OSBPL9: variants seen among roughly 807,000 people sequenced by gnomAD.
The protein encoded by OSBPL9 is oxysterol binding protein like 9.
Under a neutral mutation model 106.6 loss-of-function variants are expected in OSBPL9, and 40 were observed. The observed-to-expected ratio is 0.38, with a 90% CI of 0.29 to 0.49. The LOEUF (loss-of-function observed/expected upper bound fraction) is 0.49. OSBPL9 is among the 20% of genes least tolerant of loss of function. The probability of loss-of-function intolerance (pLI) is 0.97; values close to 1 mark genes in which losing one functional copy is unlikely to be tolerated. For synonymous variants in OSBPL9, 269 were observed against 295.4 expected, an observed-to-expected ratio of 0.91 and a Z score of 0.92; for missense variants, 609 against 887.2, an observed-to-expected ratio of 0.69 and a Z score of 3.98.
intron 9 of OSBPL9, chr1:51,760,223 G>C (rs985565564): frequency 1.3e-5 from 2 of 154,300 alleles, no homozygotes; most frequent in African/African-American, 4.8e-5. Flanking sequence ...AGTCCCCCTG[G>C]ATACCTGAGG....
At chr1:51,697,075 G>T (rs1014034299) in intron 3 of OSBPL9, among the ~76,000 whole-genome samples, 1 of 151,684 alleles carries the variant, frequency 6.6e-6, no homozygotes, top group African/African-American at 2.4e-5. Flanking sequence ...CAGGAGGATC[G>T]CCTGAGCTGA....
chr1:51,552,391 T>C, the OSBPL9 span, among the ~76,000 whole-genome samples: 1 of 152,208 alleles, frequency 6.6e-6, no homozygotes, highest in Non-Finnish European at 1.5e-5. Flanking sequence ...AGATAGAGGC[T>C]ATCATTATTC....
At chr1:51,588,563 G>T (rs1371549239) in intron 1 of OSBPL9, among the ~76,000 whole-genome samples, 2 of 151,712 alleles carry the variant, frequency 1.3e-5, no homozygotes, top group Admixed American at 6.6e-5. Context: ...AAGTGGGATG[G>T]TCACTTGAGC....
intron 4 of OSBPL9, chr1:51,740,285 T>C (rs1036970097): frequency 1.1e-5 from 15 of 1,395,142 alleles, no homozygotes; most frequent in Non-Finnish European, 1.4e-5. Context: ...GCATGTCATC[T>C]CAAATTGCTA....
At chr1:51,609,343 T>C (rs72896003) in intron 2 of OSBPL9, among the ~76,000 whole-genome samples, 18,009 of 126,502 alleles carry the variant, frequency 0.14, 1,180 homozygotes, top group Middle Eastern at 0.26. Flanking sequence ...TTCTCTCTCC[T>C]TTTTTTTTTT....
chr1:51,615,280 C>T (rs1644025261), upstream of OSBPL9, among the ~76,000 whole-genome samples: 1 of 151,432 alleles, frequency 6.6e-6, no homozygotes, highest in Non-Finnish European at 1.5e-5. Flanking sequence ...CAAAACAAAA[C>T]AAACAAAAAA....
At chr1:51,527,439 G>A in the OSBPL9 span, among the ~76,000 whole-genome samples, 1 of 152,102 alleles carries the variant, frequency 6.6e-6, no homozygotes. Flanking sequence ...CTGTTGCCCA[G>A]GATGGAGTGC....
At chr1:51,711,032 C>CTT (rs60016006) in intron 3 of OSBPL9, among the ~76,000 whole-genome samples, 2 of 144,826 alleles carry the variant, frequency 1.4e-5, no homozygotes, top group Non-Finnish European at 3.0e-5. Context: ...TCTATATTTT[C>CTT]TTTTTTTTTT....
chr1:51,578,784 G>A (rs993278114), intron 1 of OSBPL9, among the ~76,000 whole-genome samples: 1 of 152,164 alleles, frequency 6.6e-6, no homozygotes, highest in East Asian at 1.9e-4. Flanking sequence ...TCATAATCTG[G>A]TGAAAGAGAC....
chr1:51,675,220 G>A (rs1385019970), intron 3 of OSBPL9, among the ~76,000 whole-genome samples: 5 of 152,312 alleles, frequency 3.3e-5, no homozygotes, highest in East Asian at 1.9e-4. Flanking sequence ...GTATGGCTGT[G>A]TAAAGACTAG....
intron 4 of OSBPL9, among the ~76,000 whole-genome samples, chr1:51,722,904 C>A (rs762676116): frequency 1.2e-4 from 19 of 152,172 alleles, no homozygotes; most frequent in Non-Finnish European, 1.9e-4. Context: ...TTAAGGTTAT[C>A]TGCTTCATTC....
rs115938535 is a variant in OSBPL9 at position 51,602,018 on chromosome 1, C to T, written c.-353+3825C>T. 7.2e-3 allele frequency among the ~76,000 whole-genome samples: 546 copies of T among 76,316 alleles called. 1 individual carries two copies. The highest frequency in any genetic ancestry group is 9.4e-3 in the South Asian group (16 of 1,702). 50.1% of individuals were successfully genotyped at this position (76,316 alleles called of 152,430 possible). On this transcript the variant is annotated intron_variant, in intron 2 of 25. Transcript: ENST00000371714. Reference sequence around the variant, plus strand: ...AGTCAATTGTTCCATTCTTGGGGTTCTTTTTTTTTTTTTTTTTTTTGAGAC... The same window carrying T: ...AGTCAATTGTTCCATTCTTGGGGTTTTTTTTTTTTTTTTTTTTTTTGAGAC...
the OSBPL9 span, among the ~76,000 whole-genome samples, chr1:51,518,664 G>A: frequency 6.6e-6 from 1 of 152,316 alleles, no homozygotes; most frequent in East Asian, 1.9e-4. Context: ...GACCCTGGGA[G>A]AAAGGCAGGT....
chr1:51,597,457 GTGTA>G (rs1300092003), intron 1 of OSBPL9, among the ~76,000 whole-genome samples: 124 of 141,328 alleles, frequency 8.8e-4, no homozygotes, highest in South Asian at 1.8e-3. Context: ...GTGTGTGTGT[GTGTA>G]TATACACACA....
the OSBPL9 span, among the ~76,000 whole-genome samples, chr1:51,557,758 A>G: frequency 6.6e-6 from 1 of 152,194 alleles, no homozygotes; most frequent in Non-Finnish European, 1.5e-5. Context: ...GGTAAGTCCT[A>G]CCCTCTTGGC....
chr1:51,672,318 C>T (rs140608293), intron 3 of OSBPL9, among the ~76,000 whole-genome samples: 2 of 152,214 alleles, frequency 1.3e-5, no homozygotes, highest in Non-Finnish European at 2.9e-5. Flanking sequence ...GAGAAGTGGT[C>T]GAATTGTGTG....
chr1:51,668,576 C>T (rs1570939852), intron 2 of OSBPL9, among the ~76,000 whole-genome samples: 2 of 152,260 alleles, frequency 1.3e-5, no homozygotes, highest in Admixed American at 6.5e-5. Context: ...GAGCCGAGAT[C>T]GTGCCACTGC....
chr1:51,784,182 C>G, intron 18 of OSBPL9, 82 bp from the exon 19 acceptor site: 1 of 1,482,294 alleles, frequency 6.7e-7, no homozygotes, highest in Non-Finnish European at 9.4e-7. Flanking sequence ...ATGGAGTATC[C>G]TGGAGTAACC....
intron 22 of OSBPL9, 114 bp from the exon 23 acceptor site, chr1:51,787,238 AT>A (rs1677879758): frequency 9.9e-7 from 1 of 1,012,116 alleles, no homozygotes; most frequent in South Asian, 1.5e-5. Flanking sequence ...GCGTAAGGAG[AT>A]TTAGTCTGTG....
Sources: allele counts gnomAD v4.1 joint callset (sites outside exome capture counted in the v4.1 genomes callset), GRCh38; gene constraint gnomAD v4.1.1; transcripts MANE v1.5; gene names NCBI Gene and HGNC (gene_info 2026-07-23, HGNC 2026-07-21).